ITPK1: variants seen among roughly 807,000 people sequenced by gnomAD.
ITPK1 encodes inositol-tetrakisphosphate 1-kinase.
In ITPK1, 21 loss-of-function variants were observed where a neutral mutation model predicts 45.3. The observed-to-expected ratio is 0.46, with a 90% confidence interval of 0.33 to 0.67. The LOEUF is 0.67. Among genes scored for constraint, ITPK1 ranks in the 30% least tolerant of loss-of-function variants. The probability of loss-of-function intolerance (pLI) is 0.02; values close to 1 mark genes in which losing one functional copy is unlikely to be tolerated. For missense variants in ITPK1, 474 were observed against 573.5 expected, an observed-to-expected ratio of 0.83 and a Z score of 1.77; for synonymous variants, 258 against 253.6, an observed-to-expected ratio of 1.02 and a Z score of -0.16.
chr14:92,945,641 C>A (rs1040283236), intron 10 of ITPK1, among the ~76,000 whole-genome samples: 2 of 152,194 alleles, frequency 1.3e-5, no homozygotes, highest in Admixed American at 6.5e-5. Context: ...GTCCCCAGGG[C>A]GAGGCACGCA....
chr14:93,098,978 G>A (rs1385138461), intron 2 of ITPK1, among the ~76,000 whole-genome samples: 2 of 152,146 alleles, frequency 1.3e-5, no homozygotes, highest in East Asian at 3.9e-4. Context: ...ACCAGGGCCT[G>A]TCACCCTGCA....
At chr14:93,059,577 A>G (rs1334368403) in intron 3 of ITPK1, among the ~76,000 whole-genome samples, 44 of 6,908 alleles carry the variant, frequency 6.4e-3, no homozygotes, top group East Asian at 9.5e-3. Context: ...TGCAGGTCAC[A>G]AGGCAGGGGT....
intron 2 of ITPK1, among the ~76,000 whole-genome samples, chr14:93,077,877 C>T (rs1279258010): frequency 6.6e-6 from 1 of 152,146 alleles, no homozygotes; most frequent in African/African-American, 2.4e-5. Context: ...CTGCAGGGAC[C>T]GAGGCACCCA....
At chr14:93,062,700 A>C (rs1890580512) in intron 3 of ITPK1, among the ~76,000 whole-genome samples, 1 of 152,148 alleles carries the variant, frequency 6.6e-6, no homozygotes, top group Non-Finnish European at 1.5e-5. Context: ...GTCCCACGGC[A>C]GGTCTGTGCT....
rs1438305897 is a variant in ITPK1 at position 92,938,262 on chromosome 14, T to G, written c.*3299A>C. 3 of 589,772 alleles carry G rather than the reference T, an allele frequency of 5.1e-6. No homozygotes were observed. In the African/African-American group the frequency reaches 5.6e-5, roughly 11 times the overall value. The allele number at this position is 589,772 out of a possible 1,614,324, so 36.5% of individuals were successfully genotyped here. On this transcript the variant is annotated 3_prime_UTR_variant, in exon 11 of 11. Transcript: ENST00000267615. ...CGTGAGCCGCCATGCCCGGCCAGAGTTTCTAGGGAATAGAAGAGAGGGCAG... is the reference window on the plus strand; with the variant it reads ...CGTGAGCCGCCATGCCCGGCCAGAGGTTCTAGGGAATAGAAGAGAGGGCAG...
At chr14:93,081,942 C>T (rs747175784) in intron 2 of ITPK1, among the ~76,000 whole-genome samples, 61 of 152,158 alleles carry the variant, frequency 4.0e-4, no homozygotes, top group Admixed American at 7.8e-4. Context: ...AATCCTCATT[C>T]GAGGCCCACC....
chr14:93,076,744 G>T lies in ITPK1; in HGVS notation c.96-125C>A. ...GTTTCAGGAGGGAGCCGGCAGCTGC[G>T]CCTCTCCTGCTACTGTCCCAGAACA... is the stretch of plus-strand genomic sequence containing the variant. On this transcript the variant is annotated intron_variant, in intron 2 of 10. Coordinates refer to ENST00000267615, the MANE Select transcript of ITPK1 (RefSeq NM_014216.6). This position sits in a 1 kb window ranked among gnomAD's most constrained non-coding sequence, Gnocchi z 4.3. 9.4e-7 allele frequency: 1 copy of T among 1,061,526 alleles called. No homozygotes were observed. Among genetic ancestry groups the T allele is most frequent in the Non-Finnish European group, 1.4e-6 (1 of 693,806 alleles). 65.8% of individuals were successfully genotyped at this position (1,061,526 alleles called of 1,614,324 possible). A position where few individuals can be genotyped will look rare whatever the true frequency, so the allele number is the denominator to read the frequency against.
At position 93,098,089 on chromosome 14, in the gene ITPK1, CA is replaced by C. The variant is rs552490260; in HGVS notation, c.95+16979del. Among the ~76,000 whole-genome samples the C allele has an allele frequency of 5.7e-4, 86 of 152,046 alleles. No homozygotes were observed. The South Asian group carries it at 0.017, about 31-fold the overall frequency. The stretch of plus-strand genomic sequence containing the variant: ...ATCCCACCACTTTGGGAGGCCAAGG[CA>C]GGCAGATCACTTGAGGTCAGGAGTT... On this transcript the variant is annotated intron_variant, in intron 2 of 10. Coordinates refer to ENST00000267615, the MANE Select transcript of ITPK1 (RefSeq NM_014216.6).
At chr14:93,028,845 A>G (rs1489488168) in intron 3 of ITPK1, among the ~76,000 whole-genome samples, 1 of 152,142 alleles carries the variant, frequency 6.6e-6, no homozygotes, top group Non-Finnish European at 1.5e-5. Flanking sequence ...CCTCCCTCCC[A>G]TTGAGAACAC....
chr14:93,066,306 A>C, intron 3 of ITPK1: 1 of 436,082 alleles, frequency 2.3e-6, no homozygotes, highest in Non-Finnish European at 4.6e-6. Flanking sequence ...GTGCGCGTGC[A>C]TGTGTGTGTG....
At chr14:92,974,767 C>A (rs1358893903) in intron 5 of ITPK1, among the ~76,000 whole-genome samples, 5 of 151,916 alleles carry the variant, frequency 3.3e-5, no homozygotes, top group Non-Finnish European at 7.4e-5. Context: ...GGCAAAAGGC[C>A]CATGGGGCCT....
intron 9 of ITPK1, among the ~76,000 whole-genome samples, chr14:92,947,514 C>T (rs989653958): frequency 2.6e-5 from 4 of 152,226 alleles, no homozygotes; most frequent in African/African-American, 9.6e-5. Flanking sequence ...ACAGTGAACT[C>T]CTAGCTCTGT....
At position 92,941,325 on chromosome 14, in the gene ITPK1, T is replaced by G; in HGVS notation, c.*236A>C. 1 of 1,407,940 alleles carries G rather than the reference T, an allele frequency of 7.1e-7. No homozygotes were observed. Among genetic ancestry groups the G allele is most frequent in the Non-Finnish European group, 9.2e-7 (1 of 1,088,628 alleles). 87.2% of individuals were successfully genotyped at this position (1,407,940 alleles called of 1,614,324 possible). A position where few individuals can be genotyped will look rare whatever the true frequency, so the allele number is the denominator to read the frequency against. On this transcript the variant is annotated 3_prime_UTR_variant, in exon 11 of 11. Transcript: ENST00000267615. ...CGTGTGTAAACTCAGTTAGGAGGTCTGCACAGTAGAGAGCAGGCGGACGGC... is the reference window on the plus strand; with the variant it reads ...CGTGTGTAAACTCAGTTAGGAGGTCGGCACAGTAGAGAGCAGGCGGACGGC...
rs977769770 is a variant in ITPK1, at chr14:93,006,153, G to A, written c.246+10523C>T. On this transcript the variant is annotated intron_variant, in intron 4 of 10. Transcript: ENST00000267615. ...ACTGCTGAGAGCCGAGCAGTGGTGC[G>A]CAGGGCAAGCCACACTTAGGATCCA... 8.9e-4 allele frequency among the ~76,000 whole-genome samples: 135 copies of A among 152,272 alleles called. 2 individuals are homozygous for A. The highest frequency in any genetic ancestry group is 1.1e-3 in the Non-Finnish European group (78 of 68,018).
rs908874293 is a variant in ITPK1 at position 93,048,961 on chromosome 14, C to T, written c.120+27634G>A. 7.9e-5 allele frequency among the ~76,000 whole-genome samples: 12 copies of T among 152,160 alleles called. No homozygotes were observed. The East Asian group carries it at 1.9e-3, about 25-fold the overall frequency. On this transcript the variant is annotated intron_variant, in intron 3 of 10. Transcript: ENST00000267615. ...AAGACTCTGTCTCAAAAAAAAGAAA[C>T]ACTCTCTCCAGTCATGTCTTACTGG...
intron 7 of ITPK1, among the ~76,000 whole-genome samples, chr14:92,960,288 A>T (rs1838091224): frequency 6.6e-6 from 1 of 152,128 alleles, no homozygotes; most frequent in South Asian, 2.1e-4. Context: ...TTGAGGGCTG[A>T]GAGTCCCGAG....
intron 3 of ITPK1, among the ~76,000 whole-genome samples, chr14:93,075,324 C>A: frequency 2.0e-5 from 1 of 49,272 alleles, no homozygotes; most frequent in Non-Finnish European, 3.3e-5. Context: ...GAGACTCCTT[C>A]TCAAAAAAAA....
At chr14:93,069,257 G>A (rs1257057494) in intron 3 of ITPK1, 26 of 154,324 alleles carry the variant, frequency 1.7e-4, no homozygotes, top group Non-Finnish European at 1.0e-4. Flanking sequence ...GCCTCAGGTT[G>A]GAGCACCCAG....
chr14:93,108,597 G>A (rs1379807084), intron 2 of ITPK1, among the ~76,000 whole-genome samples: 2 of 152,252 alleles, frequency 1.3e-5, no homozygotes, highest in African/African-American at 4.8e-5. Flanking sequence ...TATGAATCCA[G>A]AGGACCATCT....
Sources: allele counts gnomAD v4.1 joint callset (sites outside exome capture counted in the v4.1 genomes callset), GRCh38; gene constraint gnomAD v4.1.1; non-coding constraint Gnocchi (gnomAD v3.1); transcripts MANE v1.5; gene names NCBI Gene and HGNC (gene_info 2026-07-23, HGNC 2026-07-21).